The following CTNNA2 variants were observed in gnomAD, a reference collection of about 807,000 sequenced individuals.
CTNNA2 encodes the protein catenin alpha-2.
A neutral mutation model predicts 101.0 loss-of-function variants in CTNNA2; 42 were observed. That is an observed-to-expected ratio of 0.42 (90% CI 0.32 to 0.54). The LOEUF is 0.54. CTNNA2 is among the 20% of genes least tolerant of loss of function. The pLI, the probability that CTNNA2 is intolerant of heterozygous loss-of-function variation, is 0.14. For synonymous variants in CTNNA2, 450 were observed against 456.4 expected (o/e 0.99, Z 0.18); for missense variants, 871 against 1,223.1 (o/e 0.71, Z 4.29).
intron 9 of CTNNA2, among the ~76,000 whole-genome samples, chr2:80,433,447 A>G (rs1681732357): frequency 6.6e-6 from 1 of 152,120 alleles, no homozygotes; most frequent in South Asian, 2.1e-4. Context: ...AGCGGGCCCC[A>G]TTCTTGCAGA....
intron 9 of CTNNA2, among the ~76,000 whole-genome samples, chr2:80,533,850 G>T (rs143187071): frequency 6.6e-6 from 1 of 152,124 alleles, no homozygotes; most frequent in Non-Finnish European, 1.5e-5. Flanking sequence ...TACATTCCCG[G>T]CATGGTTTAA....
At chr2:80,475,891 A>T (rs2149492255) in intron 9 of CTNNA2, among the ~76,000 whole-genome samples, 1 of 152,268 alleles carries the variant, frequency 6.6e-6, no homozygotes, top group Middle Eastern at 3.4e-3. Context: ...AAAGAAAAAA[A>T]TAATGGCTTG....
In CTNNA2 at chr2:79,939,927, T is replaced by C. The variant is rs886308104; in HGVS notation, c.1056+30130T>C. On this transcript the variant is annotated intron_variant, in intron 7 of 18. Transcript: ENST00000402739. ...GACCAACAGGGAGAAATCCCGTCTC[T>C]ACTAAAAATACAAAATTAGCTGGGC... is the stretch of plus-strand genomic sequence containing the variant. Among the ~76,000 whole-genome samples, 12 of 152,244 alleles carry C rather than the reference T, an allele frequency of 7.9e-5. No individual in the cohort carries two copies. In the East Asian group the frequency reaches 2.1e-3, roughly 27 times the overall value.
chr2:79,799,801 G>C (rs1422121879), intron 3 of CTNNA2, among the ~76,000 whole-genome samples: 5 of 152,086 alleles, frequency 3.3e-5, no homozygotes, highest in Non-Finnish European at 7.4e-5. Flanking sequence ...GGTTATGGTA[G>C]TGATCATTAT....
chr2:79,382,242 T>C (rs1485072229), intron 4 of CTNNA2, among the ~76,000 whole-genome samples: 3 of 152,152 alleles, frequency 2.0e-5, no homozygotes, highest in East Asian at 2.0e-4. Context: ...CTGGCTTTTC[T>C]GGGTCTCAGG....
intron 2 of CTNNA2, among the ~76,000 whole-genome samples, chr2:79,245,572 G>A (rs1220186948): frequency 6.6e-6 from 1 of 152,170 alleles, no homozygotes; most frequent in Admixed American, 6.5e-5. Context: ...CTCTACTCTA[G>A]GAATCATGCA....
chr2:80,362,021 A>T (rs143744573), intron 7 of CTNNA2, among the ~76,000 whole-genome samples: 1 of 152,302 alleles, frequency 6.6e-6, no homozygotes, highest in African/African-American at 2.4e-5. Flanking sequence ...TTCAACCTGA[A>T]TTCACTTGGT....
rs114175219 is a variant in CTNNA2 at position 80,229,391 on chromosome 2, C to A, written c.1057-163820C>A. The stretch of plus-strand genomic sequence containing the variant: ...GTCTATCAGAGGTCCACATAATCTT[C>A]TCCCCAGGTTTAATAATTGTTAGAA... On this transcript the variant is annotated intron_variant, in intron 7 of 18. Coordinates refer to ENST00000402739, the MANE Select transcript of CTNNA2 (RefSeq NM_001282597.3). Among the ~76,000 whole-genome samples, 1,121 of 151,746 alleles carry A rather than the reference C, an allele frequency of 7.4e-3. 4 individuals carry two copies. Among genetic ancestry groups the A allele is most frequent in the African/African-American group, 0.025 (1,042 of 41,354 alleles).
intron 4 of CTNNA2, among the ~76,000 whole-genome samples, chr2:79,444,608 G>A (rs1346526338): frequency 1.3e-5 from 2 of 152,026 alleles, no homozygotes; most frequent in Non-Finnish European, 2.9e-5. Context: ...CCTATCTTAT[G>A]AACCCCCTGG....
At chr2:79,416,388 C>G (rs1346450258) in intron 4 of CTNNA2, among the ~76,000 whole-genome samples, 1 of 149,296 alleles carries the variant, frequency 6.7e-6, no homozygotes, top group African/African-American at 2.5e-5. Context: ...AAGTCTTGCT[C>G]TAAAGCTTTA....
intron 2 of CTNNA2, among the ~76,000 whole-genome samples, chr2:79,297,559 T>A (rs1676010370): frequency 6.6e-6 from 1 of 152,184 alleles, no homozygotes; most frequent in African/African-American, 2.4e-5. Flanking sequence ...TTTCCTCTCC[T>A]TTGCCCTCCT....
At chr2:80,295,985 C>T (rs1675704654) in intron 7 of CTNNA2, among the ~76,000 whole-genome samples, 1 of 152,158 alleles carries the variant, frequency 6.6e-6, no homozygotes, top group South Asian at 2.1e-4. Flanking sequence ...GGACTGAGAT[C>T]ATTTCCCTAA....
At chr2:79,650,466 G>T (rs1681150087) in intron 1 of CTNNA2, among the ~76,000 whole-genome samples, 1 of 151,916 alleles carries the variant, frequency 6.6e-6, no homozygotes, top group Admixed American at 6.6e-5. Flanking sequence ...GGTCAGTTAT[G>T]ATGTGAAGAA....
At chr2:80,274,690 A>G (rs1240484648) in intron 7 of CTNNA2, among the ~76,000 whole-genome samples, 1 of 152,074 alleles carries the variant, frequency 6.6e-6, no homozygotes, top group East Asian at 1.9e-4. Flanking sequence ...TGTCCTTTCT[A>G]CAGGCTAGCT....
chr2:80,319,591 C>CAA (rs1678485243), intron 7 of CTNNA2, among the ~76,000 whole-genome samples: 1 of 152,130 alleles, frequency 6.6e-6, no homozygotes, highest in Admixed American at 6.6e-5. Flanking sequence ...TCTCTAAGGG[C>CAA]TGAAAATGAA....
intron 7 of CTNNA2, among the ~76,000 whole-genome samples, chr2:80,133,305 G>A (rs1221940660): frequency 6.6e-6 from 1 of 152,034 alleles, no homozygotes; most frequent in Non-Finnish European, 1.5e-5. Flanking sequence ...CCAACAACTT[G>A]GTTTCAGATT....
intron 16 of CTNNA2, 89 bp from the exon 17 acceptor site, chr2:80,608,095 A>C (rs974340712): frequency 7.4e-7 from 1 of 1,358,190 alleles, no homozygotes; most frequent in African/African-American, 1.4e-5. Context: ...TATGACACTG[A>C]AAACTTTTCT....
chr2:80,094,320 A>G lies in CTNNA2; in HGVS notation c.1056+184523A>G, dbSNP rs548774624. ...TGTCAAAGATCAGATAGTTGTAGAT[A>G]TGCGGCATTATTTCTGAGGGCTCTG... On this transcript the variant is annotated intron_variant, in intron 7 of 18. Transcript: ENST00000402739. Among the ~76,000 whole-genome samples the G allele has an allele frequency of 9.7e-4, 147 of 152,020 alleles. 3 individuals are homozygous for G. The East Asian group carries it at 0.027, about 28-fold the overall frequency.
chr2:79,959,998 G>A (rs2104526781), intron 7 of CTNNA2, among the ~76,000 whole-genome samples: 1 of 152,290 alleles, frequency 6.6e-6, no homozygotes, highest in East Asian at 1.9e-4. Flanking sequence ...AAGTGTCTGA[G>A]TTTGGAATTC....
Sources: allele counts gnomAD v4.1 joint callset (sites outside exome capture counted in the v4.1 genomes callset), GRCh38; gene constraint gnomAD v4.1.1; transcripts MANE v1.5; gene names NCBI Gene and HGNC (gene_info 2026-07-23, HGNC 2026-07-21).